The following IGDCC3 variants were observed in gnomAD, a reference collection of about 807,000 sequenced individuals.
IGDCC3 encodes the protein immunoglobulin superfamily DCC subclass member 3.
A neutral mutation model predicts 72.0 loss-of-function variants in IGDCC3; 47 were observed. The observed-to-expected ratio is 0.65, with a 90% CI of 0.52 to 0.83. The LOEUF (loss-of-function observed/expected upper bound fraction) is 0.83, where lower values mean the gene tolerates loss of function less well. IGDCC3 is among the 40% of genes least tolerant of loss of function. IGDCC3 has a pLI of 0.00. For missense variants in IGDCC3, 1,038 were observed against 1,091.3 expected (o/e 0.95, Z 0.69); for synonymous variants, 477 against 472.8 (o/e 1.01, Z -0.11).
At chr15:65,370,971 G>A (rs2091322661) in intron 2 of IGDCC3, among the ~76,000 whole-genome samples, 1 of 150,834 alleles carries the variant, frequency 6.6e-6, no homozygotes, top group East Asian at 1.9e-4. Flanking sequence ...AAGTGACTTG[G>A]CCAAGATCTC....
chr15:65,354,800 AGT>A (rs948911519), intron 2 of IGDCC3, among the ~76,000 whole-genome samples: 79 of 152,282 alleles, frequency 5.2e-4, no homozygotes, highest in Admixed American at 2.3e-3. Flanking sequence ...CCTCTACTTG[AGT>A]CTCAGCTTCT....
In IGDCC3 at chr15:65,335,149, C is replaced by T. The variant is rs1436560082; in HGVS notation, c.685+142G>A. ...AGCCTTAGATTCCTGTGCACCCTCA[C>T]GCCAGGCAGCACAGAGCCCGGCACT... On this transcript the variant is annotated intron_variant, in intron 4 of 13. Coordinates refer to ENST00000327987, the MANE Select transcript of IGDCC3 (RefSeq NM_004884.4). 1.4e-5 allele frequency: 13 copies of T among 940,564 alleles called. No homozygotes were observed. The East Asian group carries it at 2.1e-4, about 15-fold the overall frequency. The allele number at this position is 940,564 out of a possible 1,614,324, so 58.3% of individuals were successfully genotyped here.
chr15:65,331,127 CTG>C lies in IGDCC3; in HGVS notation c.1482_1483del (p.Tyr494Ter). On this transcript the variant is annotated stop_gained and frameshift_variant, in exon 9 of 14. Transcript: ENST00000327987. LOFTEE classifies it high-confidence loss of function. ...TGGTGTGTAGGCCTTGATGTAGAAA[CTG>C]TAGGCTGTGGAGGGCTCCAGGTCGC... The C allele has an allele frequency of 1.2e-6, 2 of 1,614,136 alleles. No homozygotes were observed. The highest frequency in any genetic ancestry group is 1.7e-6 in the Non-Finnish European group (2 of 1,180,034).
chr15:65,364,290 G>A (rs780575542), intron 2 of IGDCC3, among the ~76,000 whole-genome samples: 12 of 152,146 alleles, frequency 7.9e-5, no homozygotes, highest in Non-Finnish European at 8.8e-5. Context: ...TAATCATTCT[G>A]GGATTTCGTT....
At chr15:65,368,200 C>G (rs558860072) in intron 2 of IGDCC3, among the ~76,000 whole-genome samples, 1 of 135,496 alleles carries the variant, frequency 7.4e-6, no homozygotes, top group African/African-American at 3.2e-5. Context: ...ACACACACAC[C>G]AGCCTGCAGG....
chr15:65,347,379 G>A (rs1173189842), intron 2 of IGDCC3, among the ~76,000 whole-genome samples: 5 of 152,164 alleles, frequency 3.3e-5, no homozygotes, highest in Non-Finnish European at 7.3e-5. Flanking sequence ...TTTCTCATCT[G>A]TAAAATGGGA....
In IGDCC3 at chr15:65,332,047, T is replaced by C. The variant is rs1567060760; in HGVS notation, c.1042A>G (p.Met348Val). ...SISRPAGTTA[M>V]FTCQAQGEPP... is the part of the protein sequence containing the mutation. ...TCACCCTGGGCTTGGCAGGTGAACA[T>C]GGCTGTGGTCCCAGCTGGCCTGGAG... The change falls in exon 7 of 14, where the codon ATG (methionine) becomes GTG (valine). Residue 348 changes from methionine to valine, a missense_variant. Coordinates refer to ENST00000327987, the MANE Select transcript of IGDCC3 (RefSeq NM_004884.4). 4 of 1,614,156 alleles carry C rather than the reference T, an allele frequency of 2.5e-6. No individual in the cohort carries two copies. The highest frequency in any genetic ancestry group is 3.4e-6 in the Non-Finnish European group (4 of 1,180,010).
chr15:65,335,569 A>T lies in IGDCC3; in HGVS notation c.555-148T>A, dbSNP rs761463493. 1.3e-5 allele frequency: 12 copies of T among 935,574 alleles called. No individual in the cohort carries two copies. In the African/African-American group the frequency reaches 1.5e-4, roughly 12 times the overall value. The allele number at this position is 935,574 out of a possible 1,614,324, so 58.0% of individuals were successfully genotyped here. A position where few individuals can be genotyped will look rare whatever the true frequency, so the allele number is the denominator to read the frequency against. On this transcript the variant is annotated intron_variant, in intron 3 of 13. Transcript: ENST00000327987. ...CACACACTGGGACTTTCAAAGGTGG[A>T]CACACCCTCAATTCCAGCCTTGACA...
chr15:65,361,577 G>A (rs476245), intron 2 of IGDCC3, among the ~76,000 whole-genome samples: 16,082 of 151,708 alleles, frequency 0.11, 1,005 homozygotes, highest in African/African-American at 0.16. Context: ...ATAGGGGCGA[G>A]TTCCCCAGTT....
chr15:65,339,892 G>C lies in IGDCC3; in HGVS notation c.410-3936C>G, dbSNP rs556429076. On this transcript the variant is annotated intron_variant, in intron 2 of 13. Coordinates refer to ENST00000327987, the MANE Select transcript of IGDCC3 (RefSeq NM_004884.4). This position sits in a 1 kb window ranked among gnomAD's most constrained non-coding sequence, Gnocchi z 4.1. ...TCACTTCAAGTTGGGTGATGGGAAG[G>C]GGGTGATGGGCAATGGTCTTCCAGG... 1.2e-4 allele frequency among the ~76,000 whole-genome samples: 18 copies of C among 152,310 alleles called. No individual in the cohort carries two copies. The highest frequency in any genetic ancestry group is 4.3e-4 in the African/African-American group (18 of 41,556).
At chr15:65,365,545 G>T (rs1023406850) in intron 2 of IGDCC3, among the ~76,000 whole-genome samples, 1 of 152,076 alleles carries the variant, frequency 6.6e-6, no homozygotes, top group Non-Finnish European at 1.5e-5. Flanking sequence ...CCCCAACCAG[G>T]GTTGGGCCCA....
chr15:65,349,260 T>A (rs115695177), intron 2 of IGDCC3, among the ~76,000 whole-genome samples: 4,515 of 152,006 alleles, frequency 0.03, 135 homozygotes, highest in East Asian at 0.13. Context: ...GAAAAAAAAA[T>A]AATTTTCCTT....
At chr15:65,366,323 C>A (rs2091288146) in intron 2 of IGDCC3, among the ~76,000 whole-genome samples, 1 of 151,276 alleles carries the variant, frequency 6.6e-6, no homozygotes, top group African/African-American at 2.4e-5. Context: ...AGGCCAAGAT[C>A]ACTCCACTGC....
At chr15:65,355,579 C>T (rs1488644808) in intron 2 of IGDCC3, 1 of 156,626 alleles carries the variant, frequency 6.4e-6, no homozygotes, top group East Asian at 1.9e-4. Context: ...GTTCCCACAG[C>T]CGACCGGGCC....
intron 2 of IGDCC3, among the ~76,000 whole-genome samples, chr15:65,341,906 TG>T (rs1266408880): frequency 2.6e-5 from 4 of 152,166 alleles, no homozygotes; most frequent in Non-Finnish European, 5.9e-5. Context: ...CCCAAGTAGC[TG>T]GGGTTACAGG....
At position 65,329,060 on chromosome 15, in the gene IGDCC3, G is replaced by A. The variant is rs202107409; in HGVS notation, c.2294C>T (p.Thr765Met). The change falls in exon 14 of 14, where the codon ACG becomes ATG. Residue 765 changes from threonine (T) to methionine (M), a missense_variant. Transcript: ENST00000327987. The surrounding 1 kb of genome is among the most constrained non-coding windows in gnomAD (Gnocchi z 4.1). ...QGCGLMEGKT[T>M]EAKTTEATAP... ...CGTGGCCTCTGTGGTCTTCGCCTCCGTCGTCTTCCCCTCCATCAGGCCGCA... is the reference window on the plus strand; with the variant it reads ...CGTGGCCTCTGTGGTCTTCGCCTCCATCGTCTTCCCCTCCATCAGGCCGCA... The A allele has an allele frequency of 1.4e-5, 23 of 1,611,796 alleles. No homozygotes were observed. The highest frequency in any genetic ancestry group is 1.1e-4 in the East Asian group (5 of 44,826).
chr15:65,366,250 A>G (rs1319848501), intron 2 of IGDCC3, among the ~76,000 whole-genome samples: 2 of 148,790 alleles, frequency 1.3e-5, no homozygotes, highest in Non-Finnish European at 1.5e-5. Flanking sequence ...GAGGTGACAC[A>G]TGCCTGTAGT....
intron 2 of IGDCC3, among the ~76,000 whole-genome samples, chr15:65,348,624 G>A (rs1022351056): frequency 6.6e-6 from 1 of 152,190 alleles, no homozygotes; most frequent in Non-Finnish European, 1.5e-5. Flanking sequence ...GTCTCTCCAA[G>A]ACAGAGTGGG....
rs1478995117 is a variant in IGDCC3, at chr15:65,328,269, C to G, written c.*640G>C. On this transcript the variant is annotated 3_prime_UTR_variant, in exon 14 of 14. Transcript: ENST00000327987. ...GAAATGGGGAAGTGCTTTTTTTTTT[C>G]TTTCACACCTGGAAACGGGGAAGTG... is the stretch of plus-strand genomic sequence containing the variant. 1.6e-5 allele frequency: 2 copies of G among 123,442 alleles called. No homozygotes were observed. Among genetic ancestry groups the G allele is most frequent in the Non-Finnish European group, 3.6e-5 (2 of 56,188 alleles). 7.6% of individuals were successfully genotyped at this position (123,442 alleles called of 1,614,324 possible). A position where few individuals can be genotyped will look rare whatever the true frequency, so the allele number is the denominator to read the frequency against.
Sources: gnomAD v4.1 joint callset for allele counts (sites outside exome capture counted in the v4.1 genomes callset) on GRCh38, gnomAD v4.1.1 for gene constraint, Gnocchi (gnomAD v3.1) non-coding constraint, MANE v1.5 for transcripts, NCBI Gene and HGNC (gene_info 2026-07-23, HGNC 2026-07-21) for gene names.